Variants in DAPK1 observed in about 807,000 individuals in gnomAD.
DAPK1 encodes the protein death associated protein kinase 1.
DAPK1 carries 56 observed loss-of-function variants against 144.9 expected under a neutral mutation model. The ratio of observed to expected loss-of-function variants is 0.39; its 90% CI spans 0.31 to 0.48. The LOEUF is 0.48. Among genes scored for constraint, DAPK1 ranks in the 20% least tolerant of loss-of-function variants. The pLI is 0.95. For synonymous variants in DAPK1, 690 were observed against 749.0 expected, an observed-to-expected ratio of 0.92 and a Z score of 1.29; for missense variants, 1,454 against 1,875.4, an observed-to-expected ratio of 0.78 and a Z score of 4.15.
chr9:87,587,489 C>CT (rs1827975878), intron 2 of DAPK1, among the ~76,000 whole-genome samples: 1 of 152,122 alleles, frequency 6.6e-6, no homozygotes, highest in Non-Finnish European at 1.5e-5. Flanking sequence ...CAGTTAGAGT[C>CT]TTTTTTCTGT....
At chr9:87,641,754 C>T (rs1830102931) in intron 9 of DAPK1, among the ~76,000 whole-genome samples, 1 of 152,146 alleles carries the variant, frequency 6.6e-6, no homozygotes, top group African/African-American at 2.4e-5. Context: ...CTCTACTTCT[C>T]CCCAGTGTCC....
chr9:87,599,265 C>G lies in DAPK1; in HGVS notation c.63-5689C>G, dbSNP rs549177339. ...CAATCTTTAAAAATCTCCCTGAGAC[C>G]TGATTTTCTTATTGGTCAGAAGAGA... is the stretch of plus-strand genomic sequence containing the variant. On this transcript the variant is annotated intron_variant, in intron 2 of 25. Coordinates refer to ENST00000408954, the MANE Select transcript of DAPK1 (RefSeq NM_004938.4). Among the ~76,000 whole-genome samples, 12 of 152,288 alleles carry G rather than the reference C, an allele frequency of 7.9e-5. No homozygotes were observed. The East Asian group carries it at 2.1e-3, about 27-fold the overall frequency.
At chr9:87,640,578 A>G in intron 8 of DAPK1, 128 bp downstream of exon 8, 1 of 1,157,538 alleles carries the variant, frequency 8.6e-7, no homozygotes, top group Non-Finnish European at 1.2e-6. Context: ...GCAGCATGCC[A>G]TGTGAAACGC....
chr9:87,605,241 G>C, intron 3 of DAPK1, 66 bp downstream of exon 3: 1 of 1,324,494 alleles, frequency 7.6e-7, no homozygotes, highest in East Asian at 2.3e-5. Context: ...CTTCGTTCCA[G>C]CTGGACCACG....
intron 24 of DAPK1, among the ~76,000 whole-genome samples, chr9:87,702,292 G>A (rs547497170): frequency 2.0e-5 from 3 of 152,296 alleles, no homozygotes; most frequent in South Asian, 2.1e-4. Flanking sequence ...TGTGGATTAC[G>A]TGAGTCTGTA....
intron 2 of DAPK1, among the ~76,000 whole-genome samples, chr9:87,503,822 CACAAGATCAGTTTTAAACAAA>C (rs1563962027): frequency 6.6e-6 from 1 of 152,176 alleles, no homozygotes; most frequent in Non-Finnish European, 1.5e-5. Context: ...AATTTTCAAG[CACAAGATCAGTTTTAAACAAA>C]ACAAATGAAG....
chr9:87,685,803 C>A (rs1233155060), intron 20 of DAPK1, among the ~76,000 whole-genome samples: 1 of 152,176 alleles, frequency 6.6e-6, no homozygotes, highest in African/African-American at 2.4e-5. Flanking sequence ...AAGTTAATAT[C>A]CCTATCATAA....
At chr9:87,690,740 G>T (rs1186850767) in intron 21 of DAPK1, among the ~76,000 whole-genome samples, 6 of 151,992 alleles carry the variant, frequency 3.9e-5, no homozygotes. Flanking sequence ...TACCTAGTTT[G>T]TTGACAGCTT....
chr9:87,623,230 A>G (rs567758455), intron 3 of DAPK1, among the ~76,000 whole-genome samples: 1 of 152,196 alleles, frequency 6.6e-6, no homozygotes, highest in Non-Finnish European at 1.5e-5. Context: ...CCAATCCAGC[A>G]TTCTGTTTCC....
intron 2 of DAPK1, among the ~76,000 whole-genome samples, chr9:87,529,123 C>A (rs10780852): frequency 0.45 from 67,798 of 151,908 alleles, 15,412 homozygotes; most frequent in South Asian, 0.58. Context: ...CCCCAGAAGT[C>A]TGACAACATG....
chr9:87,543,200 G>T (rs1826119103), intron 2 of DAPK1, among the ~76,000 whole-genome samples: 1 of 152,228 alleles, frequency 6.6e-6, no homozygotes, highest in Non-Finnish European at 1.5e-5. Flanking sequence ...GGCTGTGATA[G>T]TTCTGCTTAA....
intron 18 of DAPK1, among the ~76,000 whole-genome samples, chr9:87,667,289 A>T (rs1018114010): frequency 6.6e-5 from 10 of 152,190 alleles, no homozygotes; most frequent in African/African-American, 1.7e-4. Flanking sequence ...GGCAGTTCTG[A>T]CTGCACAGCA....
chr9:87,539,962 C>T (rs1825984950), intron 2 of DAPK1, among the ~76,000 whole-genome samples: 1 of 151,844 alleles, frequency 6.6e-6, no homozygotes, highest in Non-Finnish European at 1.5e-5. Context: ...AGTAGTGATG[C>T]CGGCAATTCG....
At chr9:87,515,546 C>G (rs1315778072) in intron 2 of DAPK1, among the ~76,000 whole-genome samples, 1 of 151,950 alleles carries the variant, frequency 6.6e-6, no homozygotes, top group Non-Finnish European at 1.5e-5. Context: ...GTGGTGGGAG[C>G]CATGAGGAGG....
intron 4 of DAPK1, among the ~76,000 whole-genome samples, 176 bp from the exon 5 acceptor site, chr9:87,639,178 C>T (rs1316544293): frequency 3.9e-5 from 6 of 152,136 alleles, no homozygotes; most frequent in African/African-American, 1.2e-4. Context: ...TTGTCTCAGG[C>T]CTGCTTCAGG....
chr9:87,648,269 C>G (rs1830334588), intron 14 of DAPK1, among the ~76,000 whole-genome samples: 1 of 152,228 alleles, frequency 6.6e-6, no homozygotes. Flanking sequence ...GCACTTGTTA[C>G]TAATTCACAG....
chr9:87,658,064 C>T lies in DAPK1; in HGVS notation c.1860C>T (p.Asn620=), dbSNP rs775422906. The T allele has an allele frequency of 7.8e-6, 12 of 1,547,268 alleles. No individual in the cohort carries two copies. Among genetic ancestry groups the T allele is most frequent in the South Asian group, 5.6e-5 (5 of 89,384 alleles). The change falls in exon 18 of 26, where the codon AAC becomes AAT. Residue 620 remains asparagine (N), a synonymous_variant. Transcript: ENST00000408954. Reference sequence around the variant, plus strand: ...CGCCTCTGCACCTTGCGGCCAACAACGGAATCCTAGACGTGGTCCGGTATC... The same window carrying T: ...CGCCTCTGCACCTTGCGGCCAACAATGGAATCCTAGACGTGGTCCGGTATC... The part of the protein sequence containing the change: ...GRTPLHLAAN[N]GILDVVRYLC...
chr9:87,567,808 C>T (rs1241192858), intron 2 of DAPK1, among the ~76,000 whole-genome samples: 2 of 152,154 alleles, frequency 1.3e-5, no homozygotes, highest in Non-Finnish European at 2.9e-5. Flanking sequence ...CCAAGCATGA[C>T]TCAAGGGTTC....
intron 2 of DAPK1, among the ~76,000 whole-genome samples, chr9:87,584,972 C>T (rs183508918): frequency 9.0e-4 from 137 of 152,320 alleles, no homozygotes; most frequent in African/African-American, 3.1e-3. Context: ...CCACTGCGTC[C>T]AGCCGTATAT....
Sources: gnomAD v4.1 joint callset for allele counts (sites outside exome capture counted in the v4.1 genomes callset) on GRCh38, gnomAD v4.1.1 for gene constraint, MANE v1.5 for transcripts, NCBI Gene and HGNC (gene_info 2026-07-23, HGNC 2026-07-21) for gene names.